The following THSD4 variants were observed in gnomAD, a reference collection of about 807,000 sequenced individuals.
The protein encoded by THSD4 is thrombospondin type-1 domain-containing protein 4.
A neutral mutation model predicts 119.0 loss-of-function variants in THSD4; 69 were observed. The observed-to-expected ratio is 0.58, with a 90% confidence interval of 0.48 to 0.71. The LOEUF (loss-of-function observed/expected upper bound fraction) is 0.71, where lower values mean the gene tolerates loss of function less well. THSD4 is among the 30% of genes least tolerant of loss of function. THSD4 has a pLI of 0.00. For synonymous variants in THSD4, 524 were observed against 540.4 expected (o/e 0.97, Z 0.42); for missense variants, 1,393 against 1,391.1 (o/e 1.00, Z -0.02).
chr15:71,184,696 A>G (rs2043579722), intron 3 of THSD4, among the ~76,000 whole-genome samples: 1 of 151,648 alleles, frequency 6.6e-6, no homozygotes, highest in Non-Finnish European at 1.5e-5. Flanking sequence ...ACATGGCACC[A>G]TCTCCCTTGG....
chr15:71,226,340 G>T (rs1057266875), intron 4 of THSD4, among the ~76,000 whole-genome samples: 4 of 152,156 alleles, frequency 2.6e-5, no homozygotes, highest in African/African-American at 9.7e-5. Flanking sequence ...TGTTGTCTGT[G>T]TGTCCATGTT....
At chr15:71,136,647 C>T (rs1177348167) in intron 1 of THSD4, among the ~76,000 whole-genome samples, 2 of 150,976 alleles carry the variant, frequency 1.3e-5, no homozygotes, top group African/African-American at 2.4e-5. Context: ...GCGGGAGTTC[C>T]AGAGGACAGC....
In THSD4 at chr15:71,457,112, G is replaced by A. The variant is rs573417145; in HGVS notation, c.1152+45289G>A. Among the ~76,000 whole-genome samples, 4 of 152,126 alleles carry A rather than the reference G, an allele frequency of 2.6e-5. No individual in the cohort carries two copies. The East Asian group carries it at 7.7e-4, about 29-fold the overall frequency. On this transcript the variant is annotated intron_variant, in intron 7 of 17. Coordinates refer to ENST00000261862, the MANE Select transcript of THSD4 (RefSeq NM_024817.3). ...GAAGCCAAGATGTGCGAGGCGCAGTGGCTCACACCTGCAATCCCAGCAATT... is the reference window on the plus strand; with the variant it reads ...GAAGCCAAGATGTGCGAGGCGCAGTAGCTCACACCTGCAATCCCAGCAATT...
chr15:71,651,268 T>C (rs1172688032), intron 7 of THSD4, among the ~76,000 whole-genome samples: 1 of 152,210 alleles, frequency 6.6e-6, no homozygotes, highest in African/African-American at 2.4e-5. Context: ...TTGCCCTCCA[T>C]TCTAATTTCA....
chr15:71,526,539 G>A lies in THSD4; in HGVS notation c.1152+114716G>A, dbSNP rs528058372. Among the ~76,000 whole-genome samples, 7 of 152,208 alleles carry A rather than the reference G, an allele frequency of 4.6e-5. 1 individual carries two copies. In the South Asian group the frequency reaches 1.5e-3, roughly 32 times the overall value. ...TTATTCCTGAAAGAAACTATTTCAGGAATAGTTGCACTGGAATATTCCAGG... is the reference window on the plus strand; with the variant it reads ...TTATTCCTGAAAGAAACTATTTCAGAAATAGTTGCACTGGAATATTCCAGG... On this transcript the variant is annotated intron_variant, in intron 7 of 17. Transcript: ENST00000261862.
At chr15:71,713,300 C>T (rs2052549967) in intron 8 of THSD4, among the ~76,000 whole-genome samples, 1 of 152,174 alleles carries the variant, frequency 6.6e-6, no homozygotes, top group Non-Finnish European at 1.5e-5. Flanking sequence ...TGGGAACTGC[C>T]CTCAGGAACT....
chr15:71,690,753 T>A (rs1056815342), intron 8 of THSD4, among the ~76,000 whole-genome samples: 1 of 152,106 alleles, frequency 6.6e-6, no homozygotes, highest in Non-Finnish European at 1.5e-5. Context: ...AAAAAAAGGT[T>A]GTGCAGGGAA....
rs74698515 is a variant in THSD4, at chr15:71,597,721, C to A, written c.1153-62809C>A. ...TTGGATGACACTGACGAATTTTTAA[C>A]AAGCTCGACGCCTTATGTGAGAAGT... is the stretch of plus-strand genomic sequence containing the variant. On this transcript the variant is annotated intron_variant, in intron 7 of 17. Transcript: ENST00000261862. Among the ~76,000 whole-genome samples, 487 of 152,290 alleles carry A rather than the reference C, an allele frequency of 3.2e-3. 5 individuals are homozygous for A. The highest frequency in any genetic ancestry group is 0.011 in the African/African-American group (463 of 41,550).
chr15:71,486,489 C>T (rs984788810), intron 7 of THSD4, among the ~76,000 whole-genome samples: 4 of 152,158 alleles, frequency 2.6e-5, no homozygotes, highest in South Asian at 4.1e-4. Context: ...CTCTCACTTA[C>T]GTGTGGCATA....
At chr15:71,256,808 T>C in intron 6 of THSD4, 93 bp downstream of exon 6, 1 of 1,223,140 alleles carries the variant, frequency 8.2e-7, no homozygotes, top group Non-Finnish European at 1.2e-6. Context: ...ATTGGTGTGA[T>C]CCTGGCTGGG....
intron 7 of THSD4, among the ~76,000 whole-genome samples, chr15:71,434,098 A>G (rs2046975057): frequency 1.3e-5 from 2 of 152,190 alleles, no homozygotes; most frequent in Non-Finnish European, 2.9e-5. Context: ...AGCCATTTTT[A>G]TGTTATTTTA....
intron 8 of THSD4, among the ~76,000 whole-genome samples, chr15:71,669,246 C>A (rs1218669767): frequency 6.6e-6 from 1 of 152,046 alleles, no homozygotes; most frequent in Non-Finnish European, 1.5e-5. Flanking sequence ...GTTCTTTATA[C>A]TCTATGACTT....
chr15:71,477,485 A>G (rs371439843), intron 7 of THSD4, among the ~76,000 whole-genome samples: 41 of 152,186 alleles, frequency 2.7e-4, no homozygotes, highest in Non-Finnish European at 5.4e-4. Context: ...ACAGCAAGAG[A>G]CATTTGAAAG....
At chr15:71,322,414 G>A (rs1340012827) in intron 6 of THSD4, among the ~76,000 whole-genome samples, 1 of 152,164 alleles carries the variant, frequency 6.6e-6, no homozygotes, top group Non-Finnish European at 1.5e-5. Flanking sequence ...TTAAATCTTC[G>A]TGACTTCCTT....
At chr15:71,219,896 A>G (rs1032139563) in intron 4 of THSD4, among the ~76,000 whole-genome samples, 7 of 152,224 alleles carry the variant, frequency 4.6e-5, no homozygotes, top group Admixed American at 3.9e-4. Flanking sequence ...GGTATTCTGA[A>G]AATGAAGCTG....
chr15:71,150,711 T>C (rs1275545625), intron 2 of THSD4, among the ~76,000 whole-genome samples: 1 of 152,228 alleles, frequency 6.6e-6, no homozygotes, highest in Admixed American at 6.5e-5. Context: ...CTTCTAAGGA[T>C]GGTTTTTTGG....
chr15:71,637,720 C>A (rs1195451811), intron 7 of THSD4, among the ~76,000 whole-genome samples: 1 of 151,466 alleles, frequency 6.6e-6, no homozygotes, highest in East Asian at 1.9e-4. Flanking sequence ...GATGGTTGCA[C>A]ATTATGAATT....
At chr15:71,362,171 T>C (rs766176337) in intron 6 of THSD4, among the ~76,000 whole-genome samples, 77 of 152,046 alleles carry the variant, frequency 5.1e-4, no homozygotes, top group Non-Finnish European at 9.4e-4. Context: ...CCCAGCTACT[T>C]GGGAGGCTGA....
At chr15:71,605,409 C>T (rs2050090404) in intron 7 of THSD4, among the ~76,000 whole-genome samples, 1 of 152,192 alleles carries the variant, frequency 6.6e-6, no homozygotes, top group Non-Finnish European at 1.5e-5. Flanking sequence ...GGGGTTTCAC[C>T]CAGAGCTCTG....
Sources: allele counts gnomAD v4.1 joint callset (sites outside exome capture counted in the v4.1 genomes callset), GRCh38; gene constraint gnomAD v4.1.1; transcripts MANE v1.5; gene names NCBI Gene and HGNC (gene_info 2026-07-23, HGNC 2026-07-21).